Variants in KLHL8 observed in about 807,000 individuals in gnomAD.
KLHL8 encodes kelch like family member 8.
In KLHL8, 38 loss-of-function variants were observed where a neutral mutation model predicts 63.5. The observed-to-expected ratio is 0.60, with a 90% confidence interval of 0.46 to 0.78. KLHL8 has a LOEUF of 0.78. Among genes scored for constraint, KLHL8 ranks in the 30% least tolerant of loss-of-function variants. The probability of loss-of-function intolerance (pLI) is 0.00; values close to 1 mark genes in which losing one functional copy is unlikely to be tolerated. For missense variants in KLHL8, 566 were observed against 752.4 expected, an observed-to-expected ratio of 0.75 and a Z score of 2.90; for synonymous variants, 224 against 254.3, an observed-to-expected ratio of 0.88 and a Z score of 1.13.
At chr4:87,188,202 A>C (rs1231881971) in intron 2 of KLHL8, among the ~76,000 whole-genome samples, 2 of 152,206 alleles carry the variant, frequency 1.3e-5, no homozygotes, top group Non-Finnish European at 2.9e-5. Flanking sequence ...GGGATCTGAA[A>C]TCTGATACTA....
At position 87,185,694 on chromosome 4, in the gene KLHL8, T is replaced by C; in HGVS notation, c.322A>G (p.Ile108Val). ...SEMAEAKQTL[I>V]EIRDFDGDAI... is the part of the protein sequence containing the mutation. ...TCACCATCAAAATCTCTAATCTCAA[T>C]CAGCGTTTGCTTGGCTTCAGCCATT... The change falls in exon 3 of 10, where the codon ATT becomes GTT. Residue 108 changes from isoleucine (I) to valine (V), a missense_variant. Transcript: ENST00000273963. 1 of 1,614,144 alleles carries C rather than the reference T, an allele frequency of 6.2e-7. No individual in the cohort carries two copies. Among genetic ancestry groups the C allele is most frequent in the Non-Finnish European group, 8.5e-7 (1 of 1,180,008 alleles).
At chr4:87,238,137 T>A (rs1013662361) in intron 1 of KLHL8, among the ~76,000 whole-genome samples, 1 of 152,082 alleles carries the variant, frequency 6.6e-6, no homozygotes, top group Non-Finnish European at 1.5e-5. Flanking sequence ...GGTTTCACCA[T>A]GTTGGCCAGG....
At position 87,163,989 on chromosome 4, in the gene KLHL8, G is replaced by A. The variant is rs1420285293; in HGVS notation, c.1628C>T (p.Pro543Leu). The change falls in exon 9 of 10, where the codon CCC becomes CTC. Residue 543 changes from proline to leucine, a missense_variant. By Grantham distance (98) the Pro-to-Leu change is moderately conservative. Coordinates refer to ENST00000273963, the MANE Select transcript of KLHL8 (RefSeq NM_020803.5). ...TGTTGCGATTCCCACTCCACCTCTG[G>A]GAGTAGTAAGTGCTGCCACATAATC... ...KWDYVAALTT[P>L]RGGVGIATVM... The A allele has an allele frequency of 2.5e-6, 4 of 1,614,134 alleles. No individual in the cohort carries two copies. The South Asian group carries it at 3.3e-5, about 13-fold the overall frequency.
Position 87,183,255 on chromosome 4 carries a change from T to TGC in KLHL8, c.898_899dup (p.Val301GlnfsTer24). On this transcript the variant is annotated frameshift_variant, in exon 4 of 10. Coordinates refer to ENST00000273963, the MANE Select transcript of KLHL8 (RefSeq NM_020803.5). LOFTEE classifies it high-confidence loss of function. ...GAATGGAGTATTCAAAGTCAGGTAC[T>TGC]GCTCTGCTACTCAAGTGAAGGTGGT... 6.2e-7 allele frequency: 1 copy of TGC among 1,613,854 alleles called. No homozygotes were observed. The highest frequency in any genetic ancestry group is 8.5e-7 in the Non-Finnish European group (1 of 1,179,814).
chr4:87,219,554 T>C (rs1001135523), intron 1 of KLHL8: 34 of 152,372 alleles, frequency 2.2e-4, no homozygotes, highest in African/African-American at 7.9e-4. Context: ...ACGTTTTCTA[T>C]GAAAAGTCAC....
In KLHL8 at chr4:87,164,107, C is replaced by A. The variant is rs1280888440; in HGVS notation, c.1538-28G>T. 6 of 1,544,990 alleles carry A rather than the reference C, an allele frequency of 3.9e-6. No homozygotes were observed. The South Asian group carries it at 5.6e-5, about 14-fold the overall frequency. On this transcript the variant is annotated intron_variant, in intron 8 of 9. Coordinates refer to ENST00000273963, the MANE Select transcript of KLHL8 (RefSeq NM_020803.5). ...ATGTAAAGAAATATTTTAAAAACAG[C>A]ATTACATTCCTTAGAAATTAACTAC... is the stretch of plus-strand genomic sequence containing the variant.
chr4:87,194,374 G>A (rs1250129295), intron 2 of KLHL8, among the ~76,000 whole-genome samples: 2 of 152,112 alleles, frequency 1.3e-5, no homozygotes, highest in Non-Finnish European at 2.9e-5. Context: ...TCAGAACTAT[G>A]AGAAATAATT....
At chr4:87,207,038 T>C (rs1009847562) in intron 1 of KLHL8, 10 of 362,192 alleles carry the variant, frequency 2.8e-5, no homozygotes, top group Non-Finnish European at 4.8e-5. Context: ...CTCCTCCCAT[T>C]TGACACACAG....
At chr4:87,207,102 C>T in intron 1 of KLHL8, 1 of 506,794 alleles carries the variant, frequency 2.0e-6, no homozygotes, top group South Asian at 1.7e-5. Context: ...AAGGTGATGG[C>T]CGGAGTCAAC....
At chr4:87,190,537 G>A (rs890184340) in intron 2 of KLHL8, among the ~76,000 whole-genome samples, 2 of 151,876 alleles carry the variant, frequency 1.3e-5, no homozygotes, top group African/African-American at 2.4e-5. Context: ...CCAGCTACTC[G>A]GGGGGCTGAC....
At chr4:87,190,559 G>A (rs1731442177) in intron 2 of KLHL8, among the ~76,000 whole-genome samples, 1 of 151,594 alleles carries the variant, frequency 6.6e-6, no homozygotes, top group African/African-American at 2.4e-5. Context: ...TGGAAGAATC[G>A]CTTGAACCCG....
Position 87,178,622 on chromosome 4 carries a change from T to G in KLHL8, c.953-2A>C, listed in dbSNP as rs1260171753. 1 of 1,557,310 alleles carries G rather than the reference T, an allele frequency of 6.4e-7. No individual in the cohort carries two copies. Among genetic ancestry groups the G allele is most frequent in the Non-Finnish European group, 8.6e-7 (1 of 1,158,244 alleles). ...GACCACCTACACAAAACAGCACACC[T>G]AAAGGTAAAGCCACAAAATAGAGAT... On this transcript the variant is annotated splice_acceptor_variant, in intron 4 of 9. Coordinates refer to ENST00000273963, the MANE Select transcript of KLHL8 (RefSeq NM_020803.5). LOFTEE classifies it high-confidence loss of function.
exon 1 of KLHL8, chr4:87,240,286 A>G (rs1733305592): frequency 6.6e-6 from 1 of 152,242 alleles, no homozygotes; most frequent in Non-Finnish European, 1.5e-5. Flanking sequence ...AGGCATTTAC[A>G]TCAGCTTCTT....
Position 87,176,867 on chromosome 4 carries a change from A to C in KLHL8, c.1098T>G (p.Gly366=). 6.5e-7 allele frequency: 1 copy of C among 1,547,720 alleles called. No individual in the cohort carries two copies. Among genetic ancestry groups the C allele is most frequent in the Non-Finnish European group, 8.8e-7 (1 of 1,132,234 alleles). The change falls in exon 6 of 10, where the codon GGT becomes GGG. Residue 366 remains glycine, a splice_region_variant and synonymous_variant. Coordinates refer to ENST00000273963, the MANE Select transcript of KLHL8 (RefSeq NM_020803.5). ...RRHVGVISVE[G]KVYAVGGHDG... ...CATGTCCACCTACTGCATACACTTT[A>C]CCTGTCAAATAGAGAAGTATTTTCA...
intron 9 of KLHL8, 93 bp from the exon 10 acceptor site, chr4:87,163,735 T>C: frequency 6.4e-7 from 1 of 1,563,302 alleles, no homozygotes; most frequent in Non-Finnish European, 8.7e-7. Flanking sequence ...TGAGACTGGT[T>C]TTGTAGGACA....
chr4:87,225,464 C>T (rs1033172305), upstream of KLHL8, among the ~76,000 whole-genome samples: 3 of 152,154 alleles, frequency 2.0e-5, no homozygotes, highest in Admixed American at 6.5e-5. Flanking sequence ...AACAACCATT[C>T]GGTAACTACT....
At chr4:87,190,064 A>AAAAGT (rs1455161997) in intron 2 of KLHL8, among the ~76,000 whole-genome samples, 6 of 151,830 alleles carry the variant, frequency 4.0e-5, no homozygotes, top group African/African-American at 1.5e-4. Flanking sequence ...GAATTTTAGA[A>AAAAGT]AAAGTAAAAT....
At chr4:87,189,303 C>G (rs763268938) in intron 2 of KLHL8, among the ~76,000 whole-genome samples, 13 of 152,212 alleles carry the variant, frequency 8.5e-5, no homozygotes, top group East Asian at 1.9e-4. Context: ...ACTTTTAGGC[C>G]AAGTTTAAAA....
chr4:87,238,393 T>C (rs1733271986), intron 1 of KLHL8, among the ~76,000 whole-genome samples: 1 of 152,230 alleles, frequency 6.6e-6, no homozygotes, highest in South Asian at 2.1e-4. Context: ...TTTGTGATAA[T>C]GAAAATGTTC....
Sources: gnomAD v4.1 joint callset for allele counts (sites outside exome capture counted in the v4.1 genomes callset) on GRCh38, gnomAD v4.1.1 for gene constraint, MANE v1.5 for transcripts, NCBI Gene and HGNC (gene_info 2026-07-23, HGNC 2026-07-21) for gene names.